CCDC178: variants seen among roughly 807,000 people sequenced by gnomAD.
The protein encoded by CCDC178 is coiled-coil domain containing 178.
A neutral mutation model predicts 117.4 loss-of-function variants in CCDC178; 126 were observed. The observed-to-expected ratio is 1.07, with a 90% confidence interval of 0.93 to 1.24. The LOEUF (loss-of-function observed/expected upper bound fraction) is 1.24. CCDC178 is among the 50% of genes most tolerant of loss of function. The pLI, the probability that CCDC178 is intolerant of heterozygous loss-of-function variation, is 0.00. For synonymous variants in CCDC178, 283 were observed against 313.4 expected, an observed-to-expected ratio of 0.90 and a Z score of 1.02; for missense variants, 1,030 against 986.9, an observed-to-expected ratio of 1.04 and a Z score of -0.59.
intron 11 of CCDC178, among the ~76,000 whole-genome samples, chr18:33,317,169 C>G (rs770169561): frequency 2.6e-5 from 4 of 152,066 alleles, no homozygotes; most frequent in Admixed American, 6.6e-5. Context: ...TGCTACTGCT[C>G]ACTCTTTGGG....
In CCDC178 at chr18:33,321,124, A is replaced by C. The variant is rs140828679; in HGVS notation, c.1022+2367T>G. On this transcript the variant is annotated intron_variant, in intron 11 of 22. Coordinates refer to ENST00000383096, the MANE Select transcript of CCDC178 (RefSeq NM_001105528.4). ...CTAATGACTTAAATGTTAGACCTAA[A>C]ACCATAAAAATGCTAGAAGAAAACC... 7.8e-3 allele frequency among the ~76,000 whole-genome samples: 1,193 copies of C among 152,354 alleles called. 9 individuals carry two copies. Among genetic ancestry groups the C allele is most frequent in the Middle Eastern group, 0.041 (12 of 294 alleles).
At chr18:33,322,122 T>C (rs1337423862) in intron 11 of CCDC178, among the ~76,000 whole-genome samples, 1 of 151,752 alleles carries the variant, frequency 6.6e-6, no homozygotes. Flanking sequence ...CCTCAAAATA[T>C]AGGAAGCAAA....
chr18:32,962,150 T>G (rs908462195), intron 22 of CCDC178, among the ~76,000 whole-genome samples: 3 of 152,042 alleles, frequency 2.0e-5, no homozygotes, highest in Non-Finnish European at 4.4e-5. Flanking sequence ...TCATTTTATA[T>G]TTAAGACTTG....
At chr18:33,238,710 T>C (rs1201190509) in intron 15 of CCDC178, among the ~76,000 whole-genome samples, 4 of 152,066 alleles carry the variant, frequency 2.6e-5, no homozygotes, top group Non-Finnish European at 5.9e-5. Flanking sequence ...AGAAAACATG[T>C]TTAATGAAAT....
chr18:33,210,805 A>AT (rs1295617459), intron 20 of CCDC178, among the ~76,000 whole-genome samples: 1 of 152,056 alleles, frequency 6.6e-6, no homozygotes, highest in African/African-American at 2.4e-5. Context: ...TTATTTTCAT[A>AT]TTTTTAGGTC....
intron 19 of CCDC178, among the ~76,000 whole-genome samples, chr18:33,215,144 C>G (rs2059150144): frequency 6.6e-6 from 1 of 151,900 alleles, no homozygotes; most frequent in South Asian, 2.1e-4. Flanking sequence ...GAATAAATTG[C>G]ACGAGGTTTC....
At chr18:32,984,025 A>G (rs983825000) in intron 21 of CCDC178, among the ~76,000 whole-genome samples, 14 of 152,024 alleles carry the variant, frequency 9.2e-5, no homozygotes, top group African/African-American at 3.1e-4. Context: ...ATCAAAAGTA[A>G]TGAGATATTT....
intron 8 of CCDC178, 51 bp downstream of exon 8, chr18:33,348,839 C>A (rs779566767): frequency 2.7e-6 from 3 of 1,110,138 alleles, no homozygotes; most frequent in South Asian, 2.6e-5. Context: ...TAAATGAAGT[C>A]AATGAACTTT....
At chr18:33,288,755 G>A (rs929522065) in intron 12 of CCDC178, among the ~76,000 whole-genome samples, 5 of 152,166 alleles carry the variant, frequency 3.3e-5, no homozygotes, top group African/African-American at 9.6e-5. Context: ...TCCAAGTTGA[G>A]ATTTAAAATA....
intron 2 of CCDC178, among the ~76,000 whole-genome samples, chr18:33,436,375 G>C (rs2064290407): frequency 6.6e-6 from 1 of 152,272 alleles, no homozygotes; most frequent in East Asian, 1.9e-4. Flanking sequence ...GACATGCATA[G>C]ACCACTCTTT....
At chr18:33,057,276 T>G (rs1222415408) in intron 21 of CCDC178, among the ~76,000 whole-genome samples, 1 of 152,196 alleles carries the variant, frequency 6.6e-6, no homozygotes, top group Non-Finnish European at 1.5e-5. Flanking sequence ...ATTTTGGATT[T>G]ATATCTATAT....
chr18:33,395,981 T>C (rs1370997965), intron 4 of CCDC178, among the ~76,000 whole-genome samples: 1 of 151,890 alleles, frequency 6.6e-6, no homozygotes, highest in Non-Finnish European at 1.5e-5. Flanking sequence ...ATAACGTTTG[T>C]GCATCAAAAG....
chr18:33,360,948 G>A (rs896799050), intron 6 of CCDC178, among the ~76,000 whole-genome samples: 10 of 151,384 alleles, frequency 6.6e-5, no homozygotes, highest in African/African-American at 1.9e-4. Flanking sequence ...ATGCCATGTC[G>A]ATAAAAATTC....
intron 20 of CCDC178, among the ~76,000 whole-genome samples, chr18:33,189,302 A>G (rs2058830523): frequency 6.6e-6 from 1 of 151,640 alleles, no homozygotes; most frequent in South Asian, 2.1e-4. Context: ...GCAGAAGAAT[A>G]AAGTTATAAA....
At position 33,223,104 on chromosome 18, in the gene CCDC178, A is replaced by G; in HGVS notation, c.1932+2T>C. On this transcript the variant is annotated splice_donor_variant, in intron 18 of 22. Transcript: ENST00000383096. LOFTEE classifies it high-confidence loss of function. Reference sequence around the variant, plus strand: ...AATTAGATTCTGAACTTAAATTCTTACCTCAGTTTCTATTAATGCATCAAG... The same window carrying G: ...AATTAGATTCTGAACTTAAATTCTTGCCTCAGTTTCTATTAATGCATCAAG... The G allele has an allele frequency of 3.4e-6, 5 of 1,451,368 alleles. No homozygotes were observed. Among genetic ancestry groups the G allele is most frequent in the Non-Finnish European group, 3.8e-6 (4 of 1,042,420 alleles). The allele number at this position is 1,451,368 out of a possible 1,614,324, so 89.9% of individuals were successfully genotyped here.
chr18:33,250,924 T>C (rs999114481), intron 14 of CCDC178, among the ~76,000 whole-genome samples: 3 of 151,542 alleles, frequency 2.0e-5, no homozygotes, highest in African/African-American at 7.3e-5. Context: ...AGACAAATTA[T>C]TTACAAAGAA....
intron 15 of CCDC178, among the ~76,000 whole-genome samples, chr18:33,230,246 C>CTGTGTGTGTG (rs111674114): frequency 1.4e-4 from 21 of 147,998 alleles, no homozygotes; most frequent in African/African-American, 4.9e-4. Flanking sequence ...AACTCAGAGG[C>CTGTGTGTGTG]TGTGTGTGTG....
At chr18:33,426,399 C>A (rs770346793) in intron 2 of CCDC178, among the ~76,000 whole-genome samples, 2 of 152,170 alleles carry the variant, frequency 1.3e-5, no homozygotes, top group African/African-American at 2.4e-5. Flanking sequence ...ATCAATTTGA[C>A]CAGACACATC....
intron 20 of CCDC178, among the ~76,000 whole-genome samples, chr18:33,139,057 G>A (rs1388804695): frequency 1.3e-5 from 2 of 152,184 alleles, no homozygotes. Flanking sequence ...GGTCTTTCCT[G>A]TGCTGTTCTT....
Sources: gnomAD v4.1 joint callset for allele counts (sites outside exome capture counted in the v4.1 genomes callset) on GRCh38, gnomAD v4.1.1 for gene constraint, MANE v1.5 for transcripts, NCBI Gene and HGNC (gene_info 2026-07-23, HGNC 2026-07-21) for gene names.